Variants in PIK3C2G observed in about 807,000 individuals in gnomAD.
PIK3C2G encodes phosphatidylinositol-4-phosphate 3-kinase catalytic subunit type 2 gamma.
Under a neutral mutation model 181.1 loss-of-function variants are expected in PIK3C2G, and 168 were observed. That is an observed-to-expected ratio of 0.93 (90% CI 0.82 to 1.05). The LOEUF (loss-of-function observed/expected upper bound fraction) is 1.05, where lower values mean the gene tolerates loss of function less well. Among genes scored for constraint, PIK3C2G ranks in the 50% least tolerant of loss-of-function variants. The pLI is 0.00. For synonymous variants in PIK3C2G, 573 were observed against 592.2 expected (o/e 0.97, Z 0.47); for missense variants, 1,869 against 1,732.8 (o/e 1.08, Z -1.40).
chr12:18,689,346 G>A, the PIK3C2G span, among the ~76,000 whole-genome samples: 2 of 152,184 alleles, frequency 1.3e-5, no homozygotes, highest in Non-Finnish European at 2.9e-5. Flanking sequence ...TTTAGGGCAA[G>A]CTTGTCCAAC....
At chr12:18,683,600 G>A in the PIK3C2G span, 2 of 1,436,296 alleles carry the variant, frequency 1.4e-6, no homozygotes, top group Admixed American at 2.1e-5. Context: ...TTCTGCTTCA[G>A]GAAGACCTGT....
the PIK3C2G span, among the ~76,000 whole-genome samples, chr12:18,701,208 C>T: frequency 4.6e-5 from 7 of 152,056 alleles, no homozygotes; most frequent in African/African-American, 1.7e-4. Context: ...TGATCTCAAA[C>T]TCCTGACTTC....
At chr12:18,278,601 T>G (rs975432873) in intron 1 of PIK3C2G, among the ~76,000 whole-genome samples, 1 of 152,190 alleles carries the variant, frequency 6.6e-6, no homozygotes, top group Admixed American at 6.5e-5. Flanking sequence ...TTTCTATAGT[T>G]CTGCAGTCTT....
chr12:18,460,321 C>G (rs1156437720), intron 18 of PIK3C2G, among the ~76,000 whole-genome samples: 1 of 152,054 alleles, frequency 6.6e-6, no homozygotes, highest in East Asian at 1.9e-4. Flanking sequence ...CTCCTGTAAT[C>G]TCAGTACTTT....
intron 24 of PIK3C2G, among the ~76,000 whole-genome samples, chr12:18,531,772 C>T (rs1943567962): frequency 6.6e-6 from 1 of 152,078 alleles, no homozygotes; most frequent in Non-Finnish European, 1.5e-5. Flanking sequence ...ATTGTTTAAC[C>T]ATTCACCCAT....
rs545946653 is a variant in PIK3C2G at position 18,545,450 on chromosome 12, A to C, written c.3481-873A>C. On this transcript the variant is annotated intron_variant, in intron 25 of 32. Coordinates refer to ENST00000538779, the MANE Select transcript of PIK3C2G (RefSeq NM_001288772.2). ...AACATCTTATTGTAAGAGGGCCTTTATTCCAGAGCAGTAAATAATTTATCA... is the reference window on the plus strand; with the variant it reads ...AACATCTTATTGTAAGAGGGCCTTTCTTCCAGAGCAGTAAATAATTTATCA... 2.6e-3 allele frequency among the ~76,000 whole-genome samples: 388 copies of C among 151,874 alleles called. 1 individual carries two copies. The highest frequency in any genetic ancestry group is 4.3e-3 in the Non-Finnish European group (290 of 67,850).
At chr12:18,331,755 A>G in intron 8 of PIK3C2G, among the ~76,000 whole-genome samples, 1 of 152,130 alleles carries the variant, frequency 6.6e-6, no homozygotes, top group East Asian at 1.9e-4. Context: ...AGAACTTTAC[A>G]GTCTTTTATC....
At chr12:18,654,561 G>C in the PIK3C2G span, among the ~76,000 whole-genome samples, 1 of 152,164 alleles carries the variant, frequency 6.6e-6, no homozygotes, top group African/African-American at 2.4e-5. Flanking sequence ...AACTGCAAAT[G>C]AGCAAAATTA....
intron 26 of PIK3C2G, among the ~76,000 whole-genome samples, chr12:18,548,122 C>A (rs544118958): frequency 1.3e-5 from 2 of 152,062 alleles, no homozygotes; most frequent in South Asian, 2.1e-4. Context: ...CAAAAATAGC[C>A]CCCTGAGGGT....
At chr12:18,402,517 A>G (rs573324923) in intron 16 of PIK3C2G, among the ~76,000 whole-genome samples, 4 of 152,256 alleles carry the variant, frequency 2.6e-5, no homozygotes, top group Non-Finnish European at 4.4e-5. Context: ...ATGGTATTTC[A>G]ATATCGTGGT....
chr12:18,425,959 T>C (rs1433677587), intron 18 of PIK3C2G, among the ~76,000 whole-genome samples: 1 of 152,210 alleles, frequency 6.6e-6, no homozygotes, highest in Non-Finnish European at 1.5e-5. Flanking sequence ...ATGCTAGTGG[T>C]TTGTCCTTTC....
At chr12:18,525,598 G>A (rs558954457) in intron 24 of PIK3C2G, among the ~76,000 whole-genome samples, 12 of 152,154 alleles carry the variant, frequency 7.9e-5, no homozygotes, top group African/African-American at 2.4e-4. Context: ...ACTGTTTTGC[G>A]AGAGCCAATT....
chr12:18,664,337 G>A, the PIK3C2G span, among the ~76,000 whole-genome samples: 1 of 152,124 alleles, frequency 6.6e-6, no homozygotes, highest in Non-Finnish European at 1.5e-5. Context: ...GTTTATAGCA[G>A]CATTGTTCTC....
At chr12:18,452,532 A>AT (rs903636877) in intron 18 of PIK3C2G, among the ~76,000 whole-genome samples, 1 of 150,474 alleles carries the variant, frequency 6.6e-6, no homozygotes, top group Admixed American at 6.6e-5. Flanking sequence ...AGATTCATTG[A>AT]TTTTTTTGGA....
the PIK3C2G span, among the ~76,000 whole-genome samples, chr12:18,680,389 A>G: frequency 1.3e-5 from 2 of 152,074 alleles, no homozygotes; most frequent in Non-Finnish European, 2.9e-5. Context: ...CCAACATTTA[A>G]AATGGAGACC....
At chr12:18,311,281 G>C (rs910599922) in intron 5 of PIK3C2G, among the ~76,000 whole-genome samples, 2 of 151,858 alleles carry the variant, frequency 1.3e-5, no homozygotes, top group African/African-American at 2.4e-5. Context: ...TTTGAAAGCA[G>C]TAAAATTGGC....
the PIK3C2G span, chr12:18,723,556 G>A: frequency 6.3e-7 from 1 of 1,589,788 alleles, no homozygotes; most frequent in Non-Finnish European, 8.6e-7. Context: ...CTAAAAAAAT[G>A]ACTGGTGGGC....
At chr12:18,674,055 A>G in the PIK3C2G span, among the ~76,000 whole-genome samples, 3 of 152,228 alleles carry the variant, frequency 2.0e-5, no homozygotes, top group Admixed American at 2.0e-4. Flanking sequence ...CAGGAAGTGA[A>G]GATCACTGGT....
At chr12:18,504,724 T>C (rs1258074350) in intron 23 of PIK3C2G, among the ~76,000 whole-genome samples, 1 of 152,178 alleles carries the variant, frequency 6.6e-6, no homozygotes, top group Non-Finnish European at 1.5e-5. Context: ...TTAATGATAA[T>C]CTGCTTCCAC....
Sources: gnomAD v4.1 joint callset for allele counts (sites outside exome capture counted in the v4.1 genomes callset) on GRCh38, gnomAD v4.1.1 for gene constraint, MANE v1.5 for transcripts, NCBI Gene and HGNC (gene_info 2026-07-23, HGNC 2026-07-21) for gene names.